The following SUPT3H variants were observed in gnomAD, a reference collection of about 807,000 sequenced individuals.
SUPT3H encodes the protein SPT3 homolog, SAGA and STAGA complex component, also known as transcription initiation protein SPT3 homolog.
SUPT3H carries 44 observed loss-of-function variants against 44.3 expected under a neutral mutation model. The observed-to-expected ratio is 0.99, with a 90% CI of 0.78 to 1.28. The LOEUF (loss-of-function observed/expected upper bound fraction) is 1.28, where lower values mean the gene tolerates loss of function less well. Ranked by LOEUF, SUPT3H falls within the 50% of genes most tolerant of loss-of-function variation. The pLI, the probability that SUPT3H is intolerant of heterozygous loss-of-function variation, is 0.00. For synonymous variants in SUPT3H, 124 were observed against 125.6 expected, an observed-to-expected ratio of 0.99 and a Z score of 0.09; for missense variants, 380 against 387.1, an observed-to-expected ratio of 0.98 and a Z score of 0.15.
intron 2 of SUPT3H, among the ~76,000 whole-genome samples, chr6:45,179,632 T>C (rs1465544779): frequency 6.6e-6 from 1 of 152,134 alleles, no homozygotes; most frequent in African/African-American, 2.4e-5. Context: ...AAAAACCACA[T>C]GATTATCTCA....
In SUPT3H at chr6:44,939,955, C is replaced by T. The variant is rs146194937; in HGVS notation, c.802-7192G>A. 2.3e-3 allele frequency among the ~76,000 whole-genome samples: 347 copies of T among 151,950 alleles called. 1 individual carries two copies. Among genetic ancestry groups the T allele is most frequent in the Non-Finnish European group, 3.8e-3 (259 of 67,852 alleles). On this transcript the variant is annotated intron_variant, in intron 9 of 10. Transcript: ENST00000371459. The stretch of plus-strand genomic sequence containing the variant: ...TGGATCCTCTCTCTTCCTAGTTAGT[C>T]TTGCTAGCAATTTACCAATTTTGTT...
At chr6:45,112,352 C>T (rs1341149999) in intron 2 of SUPT3H, among the ~76,000 whole-genome samples, 7 of 151,348 alleles carry the variant, frequency 4.6e-5, no homozygotes, top group Admixed American at 4.6e-4. Flanking sequence ...ATAGTTTATC[C>T]CTGGCCTTAT....
rs190190915 is a variant in SUPT3H at position 44,935,153 on chromosome 6, G to T, written c.802-2390C>A. On this transcript the variant is annotated intron_variant, in intron 9 of 10. Coordinates refer to ENST00000371459, the MANE Select transcript of SUPT3H (RefSeq NM_003599.4). ...GTTCTCCGGAAGGAAGCCTTTAAAC[G>T]TTATAATCCCAGTTTTTTTTTTTTC... Among the ~76,000 whole-genome samples the T allele has an allele frequency of 1.4e-3, 218 of 151,010 alleles. 1 individual carries two copies. Among genetic ancestry groups the T allele is most frequent in the Middle Eastern group, 3.5e-3 (1 of 284 alleles).
At chr6:45,081,235 C>T (rs926115347) in intron 3 of SUPT3H, among the ~76,000 whole-genome samples, 6 of 152,102 alleles carry the variant, frequency 3.9e-5, no homozygotes, top group Non-Finnish European at 8.8e-5. Context: ...TTCAGCTCGT[C>T]CCATTTGATC....
At chr6:45,141,653 A>AT (rs1330775565) in intron 2 of SUPT3H, among the ~76,000 whole-genome samples, 155 of 35,480 alleles carry the variant, frequency 4.4e-3, no homozygotes, top group African/African-American at 0.023. Flanking sequence ...AAAGACAAAG[A>AT]CAAAAAAAAT....
At chr6:44,862,494 T>A (rs1399668097) in intron 10 of SUPT3H, among the ~76,000 whole-genome samples, 2 of 151,470 alleles carry the variant, frequency 1.3e-5, no homozygotes, top group Non-Finnish European at 2.9e-5. Context: ...CTGGCCAACA[T>A]GGTGAAATCC....
intron 10 of SUPT3H, among the ~76,000 whole-genome samples, chr6:44,928,908 A>AAAAAAAAAAAAAAAAAAAAAT (rs1770060580): frequency 7.2e-6 from 1 of 138,412 alleles, no homozygotes. Context: ...AAAAAAAGAA[A>AAAAAAAAAAAAAAAAAAAAAT]AGAAAAGAAA....
chr6:45,365,835 C>T (rs574976824), intron 1 of SUPT3H, among the ~76,000 whole-genome samples: 2 of 151,346 alleles, frequency 1.3e-5, no homozygotes, highest in African/African-American at 4.8e-5. Flanking sequence ...CCTATTTGAA[C>T]AAAAGCCTAA....
intron 2 of SUPT3H, among the ~76,000 whole-genome samples, chr6:45,214,089 C>T (rs1294010919): frequency 3.3e-5 from 4 of 120,220 alleles, no homozygotes; most frequent in African/African-American, 9.4e-5. Flanking sequence ...AAACAATAAA[C>T]CAATGTATAA....
chr6:44,830,908 A>C (rs1768559817), intron 10 of SUPT3H, among the ~76,000 whole-genome samples: 1 of 135,960 alleles, frequency 7.4e-6, no homozygotes, highest in Admixed American at 7.2e-5. Context: ...GAAATACAGA[A>C]TAACCTTTTA....
intron 3 of SUPT3H, among the ~76,000 whole-genome samples, chr6:45,057,795 C>G (rs1791361617): frequency 6.6e-6 from 1 of 152,080 alleles, no homozygotes; most frequent in African/African-American, 2.4e-5. Context: ...GCCATTTCTG[C>G]AGACAAACTG....
chr6:44,921,556 A>G (rs1309994052), intron 10 of SUPT3H, among the ~76,000 whole-genome samples: 3 of 152,224 alleles, frequency 2.0e-5, no homozygotes, highest in Non-Finnish European at 4.4e-5. Flanking sequence ...CACAGTGTAG[A>G]AACCAAGCTA....
At chr6:45,337,500 T>C (rs1215986308) in intron 2 of SUPT3H, among the ~76,000 whole-genome samples, 2 of 151,842 alleles carry the variant, frequency 1.3e-5, no homozygotes, top group African/African-American at 2.4e-5. Context: ...AGCTGATGCA[T>C]CTACACATAG....
chr6:45,267,783 A>G (rs542706266), intron 2 of SUPT3H, among the ~76,000 whole-genome samples: 5 of 152,098 alleles, frequency 3.3e-5, no homozygotes, highest in Non-Finnish European at 4.4e-5. Flanking sequence ...GGCCCTCTGG[A>G]GACACCACCA....
chr6:44,953,707 A>G lies in SUPT3H; in HGVS notation c.694-290T>C, dbSNP rs531125102. 2.0e-5 allele frequency among the ~76,000 whole-genome samples: 3 copies of G among 152,070 alleles called. No homozygotes were observed. The South Asian group carries it at 6.2e-4, about 31-fold the overall frequency. Reference sequence around the variant, plus strand: ...TTCAGTAGGTCTGTTTTAAGCATATAGTCTAGGAATTTGCTTATTTTATTT... The same window carrying G: ...TTCAGTAGGTCTGTTTTAAGCATATGGTCTAGGAATTTGCTTATTTTATTT... On this transcript the variant is annotated intron_variant, in intron 8 of 10. Coordinates refer to ENST00000371459, the MANE Select transcript of SUPT3H (RefSeq NM_003599.4).
chr6:45,028,444 T>A (rs1786368206), intron 3 of SUPT3H, among the ~76,000 whole-genome samples: 1 of 100,296 alleles, frequency 1.0e-5, no homozygotes, highest in Non-Finnish European at 1.9e-5. Flanking sequence ...CACTTTAAGC[T>A]TTCAGATTTT....
chr6:45,120,560 A>T (rs962818288), intron 2 of SUPT3H, among the ~76,000 whole-genome samples: 1 of 152,202 alleles, frequency 6.6e-6, no homozygotes. Flanking sequence ...GCAAACCAAT[A>T]TATAAATGCC....
intron 10 of SUPT3H, among the ~76,000 whole-genome samples, chr6:44,885,394 T>G (rs997933954): frequency 1.3e-5 from 2 of 151,274 alleles, no homozygotes; most frequent in African/African-American, 4.9e-5. Context: ...ACCTCACACG[T>G]CCGGGTACTC....
chr6:45,205,522 G>A (rs1763089108), intron 2 of SUPT3H, among the ~76,000 whole-genome samples: 2 of 152,112 alleles, frequency 1.3e-5, no homozygotes, highest in Admixed American at 6.6e-5. Flanking sequence ...CAATGGTTGC[G>A]GGTGGTGGCT....
Sources: allele counts gnomAD v4.1 joint callset (sites outside exome capture counted in the v4.1 genomes callset), GRCh38; gene constraint gnomAD v4.1.1; transcripts MANE v1.5; gene names NCBI Gene and HGNC (gene_info 2026-07-23, HGNC 2026-07-21).